The following ADAMTSL3 variants were observed in gnomAD, a reference collection of about 807,000 sequenced individuals.
ADAMTSL3 encodes ADAMTS-like protein 3.
ADAMTSL3 carries 128 observed loss-of-function variants against 201.7 expected under a neutral mutation model. The ratio of observed to expected loss-of-function variants is 0.63; its 90% CI spans 0.55 to 0.73. The LOEUF (loss-of-function observed/expected upper bound fraction) is 0.73. Among genes scored for constraint, ADAMTSL3 ranks in the 30% least tolerant of loss-of-function variants. ADAMTSL3 has a pLI of 0.00. For synonymous variants in ADAMTSL3, 738 were observed against 748.4 expected (o/e 0.99, Z 0.23); for missense variants, 1,990 against 2,119.6 (o/e 0.94, Z 1.20).
intron 4 of ADAMTSL3, among the ~76,000 whole-genome samples, chr15:83,798,168 T>G (rs1364007003): frequency 6.6e-6 from 1 of 152,174 alleles, no homozygotes; most frequent in African/African-American, 2.4e-5. Context: ...CTATTTCTGA[T>G]GTAGTATTTG....
At chr15:84,008,092 C>T (rs2067928081) in intron 23 of ADAMTSL3, among the ~76,000 whole-genome samples, 1 of 152,124 alleles carries the variant, frequency 6.6e-6, no homozygotes, top group South Asian at 2.1e-4. Flanking sequence ...GTGTGAATTG[C>T]TAACTTCAGT....
At chr15:83,821,243 G>C (rs1288824254) in intron 6 of ADAMTSL3, among the ~76,000 whole-genome samples, 1 of 151,558 alleles carries the variant, frequency 6.6e-6, no homozygotes, top group East Asian at 1.9e-4. Context: ...CTGTCTCCCT[G>C]AGTTTCTTTT....
At chr15:83,759,786 T>C (rs1420978634) in intron 3 of ADAMTSL3, among the ~76,000 whole-genome samples, 1 of 152,202 alleles carries the variant, frequency 6.6e-6, no homozygotes, top group Non-Finnish European at 1.5e-5. Context: ...TTAGGGCAGC[T>C]TGGCCTACAT....
intron 26 of ADAMTSL3, among the ~76,000 whole-genome samples, chr15:84,022,899 G>A (rs1382418944): frequency 6.6e-6 from 1 of 152,136 alleles, no homozygotes; most frequent in Non-Finnish European, 1.5e-5. Flanking sequence ...CTAGGACACT[G>A]TCCCCTCTCT....
chr15:84,003,786 T>A (rs2067843286), intron 23 of ADAMTSL3, among the ~76,000 whole-genome samples: 1 of 152,180 alleles, frequency 6.6e-6, no homozygotes, highest in African/African-American at 2.4e-5. Context: ...AGGACAAGTG[T>A]GCAGCATGGA....
At chr15:83,954,838 CCTCTGT>C (rs756030440) in intron 19 of ADAMTSL3, among the ~76,000 whole-genome samples, 2 of 152,166 alleles carry the variant, frequency 1.3e-5, no homozygotes, top group Non-Finnish European at 2.9e-5. Context: ...CATCTCTCTG[CCTCTGT>C]CTCTGTCTCT....
intron 5 of ADAMTSL3, among the ~76,000 whole-genome samples, chr15:83,814,444 T>C (rs183713025): frequency 3.9e-5 from 6 of 152,314 alleles, no homozygotes; most frequent in Admixed American, 2.6e-4. Context: ...TTCCACCCTT[T>C]CTGGACAAGG....
At chr15:83,779,898 A>G (rs940296549) in intron 4 of ADAMTSL3, among the ~76,000 whole-genome samples, 10 of 152,156 alleles carry the variant, frequency 6.6e-5, no homozygotes, top group African/African-American at 2.4e-4. Flanking sequence ...CAAAGATACA[A>G]CATGCCAGAA....
chr15:83,989,417 A>G (rs2067544051), intron 22 of ADAMTSL3, among the ~76,000 whole-genome samples: 1 of 152,236 alleles, frequency 6.6e-6, no homozygotes, highest in Admixed American at 6.5e-5. Flanking sequence ...ACTTTCTAAG[A>G]ATCAGGAAAT....
At chr15:83,969,795 A>G (rs1433999213) in intron 19 of ADAMTSL3, among the ~76,000 whole-genome samples, 1 of 152,240 alleles carries the variant, frequency 6.6e-6, no homozygotes, top group Non-Finnish European at 1.5e-5. Flanking sequence ...AGTTCTAGAG[A>G]TCTGCGGAAA....
chr15:83,728,196 C>G (rs2062209412), intron 3 of ADAMTSL3, among the ~76,000 whole-genome samples: 2 of 151,632 alleles, frequency 1.3e-5, no homozygotes, highest in Non-Finnish European at 2.9e-5. Flanking sequence ...TTCTTGGTTT[C>G]CATTGACATG....
rs1250655871 is a variant in ADAMTSL3, at chr15:83,913,375, G to A, written c.1984G>A (p.Gly662Arg). The change falls in exon 16 of 30, where the codon GGA becomes AGA. Residue 662 changes from glycine to arginine, a missense_variant. Coordinates refer to ENST00000286744, the MANE Select transcript of ADAMTSL3 (RefSeq NM_207517.3). ...CACCCCTTGCACAGCAACATGCGTG[G>A]GAGGTATTTGAACCTTTGCTTAAGG... ...GFTPCTATCV[G>R]GHQEAIAVCL... is the part of the protein sequence containing the mutation. The A allele has an allele frequency of 1.2e-6, 2 of 1,612,412 alleles. No individual in the cohort carries two copies. The highest frequency in any genetic ancestry group is 1.6e-4 in the Middle Eastern group (1 of 6,062).
At position 83,892,743 on chromosome 15, in the gene ADAMTSL3, G is replaced by A. The variant is rs540597975; in HGVS notation, c.1322G>A (p.Arg441Gln). The A allele has an allele frequency of 7.4e-6, 12 of 1,614,010 alleles. No individual in the cohort carries two copies. In the South Asian group the frequency reaches 7.7e-5, roughly 10 times the overall value. Residue 441 changes from arginine (R) to glutamine (Q), a missense_variant, in exon 13 of 30, where the codon CGG becomes CAG. Transcript: ENST00000286744. The part of the protein sequence containing the change: ...SVSCGGGIQR[R>Q]SFVCVEESMH... ...TCCTGTGGAGGAGGGATTCAGAGAC[G>A]GAGCTTTGTGTGTGTAGAGGAATCC...
intron 3 of ADAMTSL3, among the ~76,000 whole-genome samples, chr15:83,762,754 A>C (rs2062827828): frequency 6.6e-6 from 1 of 152,186 alleles, no homozygotes; most frequent in Non-Finnish European, 1.5e-5. Context: ...CCATAGCAAA[A>C]ACCAAATGCC....
intron 13 of ADAMTSL3, among the ~76,000 whole-genome samples, chr15:83,893,632 G>T (rs551827939): frequency 1.3e-5 from 2 of 152,186 alleles, no homozygotes. Flanking sequence ...GACCAGAGGC[G>T]GGCAGCCTAT....
chr15:83,692,965 A>T (rs2141462172), intron 2 of ADAMTSL3, among the ~76,000 whole-genome samples: 1 of 152,272 alleles, frequency 6.6e-6, no homozygotes, highest in East Asian at 1.9e-4. Flanking sequence ...GGTGAGAAAG[A>T]CCTTGAATAA....
intron 2 of ADAMTSL3, among the ~76,000 whole-genome samples, chr15:83,662,294 A>T (rs1283632063): frequency 6.9e-6 from 1 of 144,946 alleles, no homozygotes; most frequent in African/African-American, 2.6e-5. Context: ...GAAATTGGAA[A>T]TCATCATTCT....
intron 2 of ADAMTSL3, among the ~76,000 whole-genome samples, chr15:83,663,411 A>G (rs1483295903): frequency 6.6e-6 from 1 of 152,098 alleles, no homozygotes; most frequent in Admixed American, 6.5e-5. Flanking sequence ...TGTTATTTAA[A>G]CCCATTATTT....
chr15:83,749,938 C>T (rs1333785955), intron 3 of ADAMTSL3, among the ~76,000 whole-genome samples: 1 of 152,186 alleles, frequency 6.6e-6, no homozygotes, highest in East Asian at 1.9e-4. Context: ...CCAGATGTAA[C>T]ACTTTGTGGT....
Sources: allele counts gnomAD v4.1 joint callset (sites outside exome capture counted in the v4.1 genomes callset), GRCh38; gene constraint gnomAD v4.1.1; transcripts MANE v1.5; gene names NCBI Gene and HGNC (gene_info 2026-07-23, HGNC 2026-07-21).